Variants in OXR1 observed in about 807,000 individuals in gnomAD.
OXR1 encodes oxidation resistance protein 1.
OXR1 carries 41 observed loss-of-function variants against 104.6 expected under a neutral mutation model. The ratio of observed to expected loss-of-function variants is 0.39; its 90% confidence interval spans 0.31 to 0.51. The LOEUF is 0.51. Ranked by LOEUF, OXR1 falls within the 20% of genes least tolerant of loss-of-function variation. OXR1 has a pLI of 0.77. For synonymous variants in OXR1, 348 were observed against 348.4 expected (o/e 1.00, Z 0.01); for missense variants, 955 against 1,031.9 (o/e 0.93, Z 1.02).
chr8:106,580,323 CAT>C (rs1346599818), intron 3 of OXR1, among the ~76,000 whole-genome samples: 3 of 152,164 alleles, frequency 2.0e-5, no homozygotes, highest in Non-Finnish European at 4.4e-5. Flanking sequence ...TAGAATCTTA[CAT>C]AGTTATCTTC....
intron 1 of OXR1, among the ~76,000 whole-genome samples, chr8:106,348,024 G>C (rs1210557353): frequency 6.6e-6 from 1 of 152,132 alleles, no homozygotes; most frequent in African/African-American, 2.4e-5. Context: ...GAATTAAAGT[G>C]GGTATTGATT....
At chr8:106,547,134 C>T (rs1378714088) in intron 3 of OXR1, among the ~76,000 whole-genome samples, 1 of 152,168 alleles carries the variant, frequency 6.6e-6, no homozygotes, top group African/African-American at 2.4e-5. Context: ...CATGATCCAC[C>T]CGCCTCAGCC....
intron 3 of OXR1, chr8:106,604,987 G>A (rs1820258526): frequency 1.3e-5 from 2 of 152,130 alleles, no homozygotes; most frequent in Non-Finnish European, 1.5e-5. Flanking sequence ...CTGGGTAAAA[G>A]CCACCTCAGA....
In OXR1 at chr8:106,687,811, G is replaced by T. The variant is rs76290225; in HGVS notation, c.525+3452G>T. 2.7e-3 allele frequency among the ~76,000 whole-genome samples: 418 copies of T among 152,170 alleles called. 2 individuals are homozygous for T. Among genetic ancestry groups the T allele is most frequent in the African/African-American group, 9.6e-3 (397 of 41,528 alleles). On this transcript the variant is annotated intron_variant, in intron 6 of 16. Coordinates refer to ENST00000517566, the MANE Select transcript of OXR1 (RefSeq NM_001198533.2). ...TTTTATAGAGGAGGAAACAGAGGAA[G>T]AGAAGTTAATTATTTTGTGTTTAAG...
chr8:106,654,378 A>T (rs1001075269), intron 3 of OXR1, among the ~76,000 whole-genome samples: 3 of 152,088 alleles, frequency 2.0e-5, no homozygotes, highest in Non-Finnish European at 2.9e-5. Flanking sequence ...CAGAAATAAA[A>T]CCTTGTATTT....
intron 3 of OXR1, among the ~76,000 whole-genome samples, chr8:106,568,692 T>C (rs1046497132): frequency 2.6e-5 from 4 of 152,138 alleles, no homozygotes; most frequent in Admixed American, 2.0e-4. Context: ...TATGATAGAA[T>C]ACCTTTCCTC....
At chr8:106,475,286 AAAGT>A (rs1289950712) in intron 2 of OXR1, among the ~76,000 whole-genome samples, 1 of 152,142 alleles carries the variant, frequency 6.6e-6, no homozygotes, top group East Asian at 1.9e-4. Flanking sequence ...TTCTTACAAT[AAAGT>A]AAGCTAAATG....
intron 2 of OXR1, among the ~76,000 whole-genome samples, chr8:106,514,295 C>T (rs893048418): frequency 6.6e-6 from 1 of 152,092 alleles, no homozygotes; most frequent in East Asian, 1.9e-4. Context: ...TCCCCTTTCA[C>T]GAAATTTGGA....
Position 106,740,495 on chromosome 8 carries a change from G to A in OXR1, c.2316G>A (p.Gln772=). ...TGGTGATTAAAGACAGTGATGGACA[G>A]GTATGAAACACCAACTGCATAGATT... ...VLMVIKDSDG[Q]VFGALASEPL... Residue 772 remains glutamine, a splice_region_variant and synonymous_variant, in exon 14 of 17, where the codon CAG becomes CAA. Transcript: ENST00000517566. 6.2e-7 allele frequency: 1 copy of A among 1,606,644 alleles called. No homozygotes were observed. The highest frequency in any genetic ancestry group is 8.5e-7 in the Non-Finnish European group (1 of 1,176,518).
chr8:106,419,490 G>A (rs574254544), intron 2 of OXR1, among the ~76,000 whole-genome samples: 6 of 152,230 alleles, frequency 3.9e-5, no homozygotes, highest in African/African-American at 1.4e-4. Flanking sequence ...TGATAGATGA[G>A]CTCATCATAT....
intron 1 of OXR1, among the ~76,000 whole-genome samples, chr8:106,319,021 A>T (rs1187625003): frequency 6.6e-6 from 1 of 152,242 alleles, no homozygotes; most frequent in East Asian, 1.9e-4. Context: ...TAGCTTGTGT[A>T]TTCCAAAGGT....
At chr8:106,625,628 T>G (rs1235018488) in intron 3 of OXR1, among the ~76,000 whole-genome samples, 1 of 152,196 alleles carries the variant, frequency 6.6e-6, no homozygotes, top group Non-Finnish European at 1.5e-5. Flanking sequence ...CTGAAACATG[T>G]ATTTGAGGAG....
chr8:106,645,150 C>T (rs776753563), intron 3 of OXR1, among the ~76,000 whole-genome samples: 1 of 152,178 alleles, frequency 6.6e-6, no homozygotes, highest in Non-Finnish European at 1.5e-5. Context: ...GCTTACATAT[C>T]ATGCAGTGTG....
chr8:106,694,597 T>G, intron 7 of OXR1, among the ~76,000 whole-genome samples: 1 of 72,502 alleles, frequency 1.4e-5, no homozygotes, highest in Admixed American at 1.4e-4. Flanking sequence ...ATATATTTGA[T>G]ATATAAATAT....
chr8:106,490,239 A>G (rs1478705532), intron 2 of OXR1, among the ~76,000 whole-genome samples: 1 of 152,178 alleles, frequency 6.6e-6, no homozygotes, highest in Non-Finnish European at 1.5e-5. Context: ...CCACTGATGG[A>G]TTAGAGTGCA....
chr8:106,270,588 C>A (rs772733512), intron 1 of OXR1, among the ~76,000 whole-genome samples: 3 of 151,700 alleles, frequency 2.0e-5, no homozygotes, highest in Non-Finnish European at 4.4e-5. Flanking sequence ...CTAGCTCCAG[C>A]GGGGGCCCAG....
At chr8:106,308,392 C>T (rs1813552140) in intron 1 of OXR1, among the ~76,000 whole-genome samples, 3 of 152,166 alleles carry the variant, frequency 2.0e-5, no homozygotes, top group African/African-American at 4.8e-5. Context: ...AAATGTTAAT[C>T]TTTTCCAGAA....
At chr8:106,316,736 CTATCT>C (rs1563714098) in intron 1 of OXR1, among the ~76,000 whole-genome samples, 28 of 132,546 alleles carry the variant, frequency 2.1e-4, no homozygotes, top group African/African-American at 5.1e-4. Flanking sequence ...ATCTATCTAT[CTATCT>C]ATCTATCTAT....
At chr8:106,413,722 TACTTTTTTTTTTTTTTTTTGAGACAAA>T in intron 2 of OXR1, among the ~76,000 whole-genome samples, 1 of 112,264 alleles carries the variant, frequency 8.9e-6, no homozygotes, top group Non-Finnish European at 1.7e-5. Context: ...ATGCTGTATC[TACTTTTTTTTTTTTTTTTTGAGACAAA>T]GTCTCAATCT....
Sources: gnomAD v4.1 joint callset for allele counts (sites outside exome capture counted in the v4.1 genomes callset) on GRCh38, gnomAD v4.1.1 for gene constraint, MANE v1.5 for transcripts, NCBI Gene and HGNC (gene_info 2026-07-23, HGNC 2026-07-21) for gene names.